The following FGD2 variants were observed in gnomAD, a reference collection of about 807,000 sequenced individuals.
FGD2 encodes the protein FYVE, RhoGEF and PH domain-containing protein 2.
Under a neutral mutation model 75.9 loss-of-function variants are expected in FGD2, and 52 were observed. The ratio of observed to expected loss-of-function variants is 0.69; its 90% confidence interval spans 0.55 to 0.86. The LOEUF (loss-of-function observed/expected upper bound fraction) is 0.86. Among genes scored for constraint, FGD2 ranks in the 40% least tolerant of loss-of-function variants. FGD2 has a pLI of 0.00. For missense variants in FGD2, 790 were observed against 872.0 expected (o/e 0.91, Z 1.18); for synonymous variants, 347 against 348.6 (o/e 1.00, Z 0.05).
intron 9 of FGD2, among the ~76,000 whole-genome samples, chr6:37,019,079 T>C (rs556823712): frequency 6.6e-6 from 1 of 152,360 alleles, no homozygotes; most frequent in Admixed American, 6.5e-5. Flanking sequence ...TATTTCTTCC[T>C]GCTTCTGGAC....
At chr6:37,008,744 C>T (rs1764865248) in intron 1 of FGD2, 90 bp from the exon 2 acceptor site, 2 of 1,328,582 alleles carry the variant, frequency 1.5e-6, no homozygotes, top group Non-Finnish European at 1.0e-6. Context: ...TGGGGATTTG[C>T]ACCAGGCAAC....
At chr6:37,013,563 A>G in intron 4 of FGD2, 46 bp from the exon 5 acceptor site, 1 of 1,592,396 alleles carries the variant, frequency 6.3e-7, no homozygotes. Context: ...TCTAGAGTCG[A>G]GAGGAGGTCT....
At position 37,015,850 on chromosome 6, in the gene FGD2, C is replaced by T; in HGVS notation, c.1112C>T (p.Ala371Val). Residue 371 changes from alanine to valine, a missense_variant, in exon 9 of 16, where the codon GCC (alanine) becomes GTC (valine). Ala to Val is a moderately conservative substitution (Grantham distance 64, BLOSUM62 0). Transcript: ENST00000274963. ...CAGGTGAGGACCCGCATCGATGTGG[C>T]CGGGATGAAGGTAAGAGGCCCCCTA... ...QFQVRTRIDV[A>V]GMKVRELMDA... 1 of 1,582,010 alleles carries T rather than the reference C, an allele frequency of 6.3e-7. No individual in the cohort carries two copies. Among genetic ancestry groups the T allele is most frequent in the Non-Finnish European group, 8.6e-7 (1 of 1,164,252 alleles).
chr6:37,014,380 A>G (rs1408759722), intron 6 of FGD2: 1 of 614,972 alleles, frequency 1.6e-6, no homozygotes, highest in Non-Finnish European at 2.8e-6. Flanking sequence ...TCCTTCCATT[A>G]TACCCTCTAG....
At chr6:37,009,628 C>T (rs1764913571) in intron 2 of FGD2, 1 of 152,332 alleles carries the variant, frequency 6.6e-6, no homozygotes, top group Non-Finnish European at 1.5e-5. Context: ...TCACTTGAGT[C>T]TCTTTGTGCC....
chr6:37,011,072 C>T lies in FGD2; in HGVS notation c.378+22C>T, dbSNP rs201539823. On this transcript the variant is annotated intron_variant, in intron 3 of 15. Transcript: ENST00000274963. ...CCAGGCCAGTGACCAGGACACCCCC[C>T]TCTAGAGCCCCAGCCCTGGGTCTCC... 1.9e-5 allele frequency: 30 copies of T among 1,612,174 alleles called. No individual in the cohort carries two copies. In the East Asian group the frequency reaches 4.2e-4, roughly 23 times the overall value.
At chr6:37,027,401 C>T (rs755716606) in intron 14 of FGD2, 28 bp from the exon 15 acceptor site, 7 of 1,587,970 alleles carry the variant, frequency 4.4e-6, no homozygotes, top group African/African-American at 1.3e-5. Flanking sequence ...CTGCTCTGCT[C>T]CCTGACAGTC....
At position 37,008,884 on chromosome 6, in the gene FGD2, G is replaced by A. The variant is rs138995094; in HGVS notation, c.119G>A (p.Arg40His). Residue 40 changes from arginine to histidine, a missense_variant, in exon 2 of 16, where the codon CGC becomes CAC. Transcript: ENST00000274963. Reference protein sequence around the residue: ...RGQRLEDVHHRPECRPPESPG... With the variant: ...RGQRLEDVHHHPECRPPESPG... ...CAGAGGCTAGAGGACGTGCATCACC[G>A]CCCTGAGTGCAGGCCTCCCGAGTCC... 19 of 1,613,578 alleles carry A rather than the reference G, an allele frequency of 1.2e-5. No individual in the cohort carries two copies. In the African/African-American group the frequency reaches 1.6e-4, roughly 14 times the overall value.
chr6:37,007,614 C>G (rs991865445), intron 1 of FGD2, among the ~76,000 whole-genome samples: 4 of 152,228 alleles, frequency 2.6e-5, no homozygotes, highest in Admixed American at 2.6e-4. Context: ...AGTGAGGGGA[C>G]CCATACCAAC....
At chr6:37,023,990 T>C (rs529278993) in intron 13 of FGD2, 24 of 152,336 alleles carry the variant, frequency 1.6e-4, no homozygotes, top group Admixed American at 1.0e-3. Context: ...AATAAAGCTA[T>C]CAAGGTTGCT....
chr6:37,014,476 T>TG lies in FGD2; in HGVS notation c.824-164dup, dbSNP rs572176245. ...TCAGTGGCTTCCAGTCTCTCAGCCC[T>TG]GGGGGGCTCCCGCCATTCAGACACC... On this transcript the variant is annotated intron_variant, in intron 6 of 15. Transcript: ENST00000274963. 164 of 741,782 alleles carry TG rather than the reference T, an allele frequency of 2.2e-4. 1 individual carries two copies. The East Asian group carries it at 4.0e-3, about 18-fold the overall frequency. 46.0% of individuals were successfully genotyped at this position (741,782 alleles called of 1,614,324 possible). A position where few individuals can be genotyped will look rare whatever the true frequency, so the allele number is the denominator to read the frequency against.
chr6:37,007,363 G>A (rs1434255241), intron 1 of FGD2, among the ~76,000 whole-genome samples: 18 of 152,196 alleles, frequency 1.2e-4, no homozygotes, highest in Admixed American at 1.2e-3. Context: ...TCTTTGCCAA[G>A]CTCGTCCTGT....
chr6:37,024,461 G>A (rs831496), intron 13 of FGD2: 71,290 of 152,020 alleles, frequency 0.47, 16,773 homozygotes, highest in South Asian at 0.54. Context: ...TAAGGGTGAG[G>A]TGTCATGATG....
At position 37,028,354 on chromosome 6, in the gene FGD2, G is replaced by C; in HGVS notation, c.*191G>C. 1.8e-6 allele frequency: 1 copy of C among 564,494 alleles called. No individual in the cohort carries two copies. The highest frequency in any genetic ancestry group is 3.0e-5 in the South Asian group (1 of 33,042). The allele number at this position is 564,494 out of a possible 1,614,324, so 35.0% of individuals were successfully genotyped here. A position where few individuals can be genotyped will look rare whatever the true frequency, so the allele number is the denominator to read the frequency against. On this transcript the variant is annotated 3_prime_UTR_variant, in exon 16 of 16. Coordinates refer to ENST00000274963, the MANE Select transcript of FGD2 (RefSeq NM_173558.4). ...ATGGGTCCATTCCTTTCTAGAAAGGGGACAACCAAGTGTCTCAGTTTGCCT... is the reference window on the plus strand; with the variant it reads ...ATGGGTCCATTCCTTTCTAGAAAGGCGACAACCAAGTGTCTCAGTTTGCCT...
chr6:37,012,045 A>C (rs1425111768), intron 4 of FGD2, 191 bp downstream of exon 4: 4 of 589,104 alleles, frequency 6.8e-6, no homozygotes, highest in African/African-American at 3.8e-5. Flanking sequence ...GTGTGTGTGC[A>C]GACTGCTTCC....
At chr6:37,006,519 A>G (rs142141562) in intron 1 of FGD2, among the ~76,000 whole-genome samples, 414 of 152,254 alleles carry the variant, frequency 2.7e-3, no homozygotes, top group African/African-American at 9.5e-3. Context: ...TGCTTTAAGT[A>G]TCTGGGGCAA....
Position 37,027,498 on chromosome 6 carries a change from G to A in FGD2, c.1675G>A (p.Gly559Ser). Residue 559 changes from glycine to serine, a missense_variant, in exon 15 of 16, where the codon GGC becomes AGC. By Grantham distance (56) the Gly-to-Ser change is moderately conservative. Transcript: ENST00000274963. Reference protein sequence around the residue: ...SFLQLIGDKWGKSGPRGWCVI... With the variant: ...SFLQLIGDKWSKSGPRGWCVI... Reference sequence around the variant, plus strand: ...CCTGCAGCTCATCGGGGACAAGTGGGGCAAGAGCGGCCCCCGGGGCTGGTG... The same window carrying A: ...CCTGCAGCTCATCGGGGACAAGTGGAGCAAGAGCGGCCCCCGGGGCTGGTG... 1 of 1,614,108 alleles carries A rather than the reference G, an allele frequency of 6.2e-7. No homozygotes were observed. Among genetic ancestry groups the A allele is most frequent in the Non-Finnish European group, 8.5e-7 (1 of 1,179,962 alleles).
intron 11 of FGD2, 41 bp downstream of exon 11, chr6:37,020,780 T>C: frequency 1.3e-6 from 2 of 1,550,774 alleles, no homozygotes; most frequent in Non-Finnish European, 1.7e-6. Flanking sequence ...CTTTTTCCTT[T>C]CTTTCTTTTT....
chr6:37,025,753 C>CT (rs1304672706), intron 13 of FGD2, 39 bp from the exon 14 acceptor site: 1 of 1,611,466 alleles, frequency 6.2e-7, no homozygotes, highest in East Asian at 2.2e-5. Flanking sequence ...CCTCCGGTGC[C>CT]TGGTCTCAGC....
Sources: gnomAD v4.1 joint callset for allele counts (sites outside exome capture counted in the v4.1 genomes callset) on GRCh38, gnomAD v4.1.1 for gene constraint, MANE v1.5 for transcripts, NCBI Gene and HGNC (gene_info 2026-07-23, HGNC 2026-07-21) for gene names.